The following MTRR variants were observed in gnomAD, a reference collection of about 807,000 sequenced individuals.
MTRR encodes the protein 5-methyltetrahydrofolate-homocysteine methyltransferase reductase.
In MTRR, 63 loss-of-function variants were observed where a neutral mutation model predicts 79.2. That is an observed-to-expected ratio of 0.80 (90% CI 0.65 to 0.98). The LOEUF (loss-of-function observed/expected upper bound fraction) is 0.98. Ranked by LOEUF, MTRR falls within the 50% of genes least tolerant of loss-of-function variation. MTRR has a pLI of 0.00. For synonymous variants in MTRR, 355 were observed against 313.3 expected (o/e 1.13, Z -1.41); for missense variants, 895 against 839.6 (o/e 1.07, Z -0.82).
In MTRR at chr5:7,869,209, G is replaced by GGCGTGGGTAAGCTGCCT; in HGVS notation, c.-30_-26+12dup. On this transcript the variant is annotated 5_prime_UTR_variant, in exon 1 of 15. Coordinates refer to ENST00000440940, the MANE Select transcript of MTRR (RefSeq NM_002454.3). Reference sequence around the variant, plus strand: ...GTGCAGGTTCGTGCCCGGCTGGCGCGGCGTGGGTAAGCTGCCTGTCGGCTA... The same window carrying GGCGTGGGTAAGCTGCCT: ...GTGCAGGTTCGTGCCCGGCTGGCGCGGCGTGGGTAAGCTGCCTGCGTGGGTAAGCTGCCTGTCGGCTA... The GGCGTGGGTAAGCTGCCT allele has an allele frequency of 1.9e-6, 3 of 1,607,540 alleles. No homozygotes were observed. Among genetic ancestry groups the GGCGTGGGTAAGCTGCCT allele is most frequent in the East Asian group, 2.2e-5 (1 of 44,858 alleles).
intron 1 of MTRR, among the ~76,000 whole-genome samples, chr5:7,857,931 C>T (rs1179569693): frequency 1.3e-5 from 2 of 152,226 alleles, no homozygotes; most frequent in Non-Finnish European, 2.9e-5. Context: ...GATGGACTTA[C>T]ATCAACAGCA....
intron 1 of MTRR, among the ~76,000 whole-genome samples, chr5:7,856,239 T>C (rs1746244133): frequency 6.6e-6 from 1 of 152,224 alleles, no homozygotes; most frequent in Non-Finnish European, 1.5e-5. Context: ...ATTGGTCAGA[T>C]TGGCCCATGT....
At chr5:7,897,624 G>GA (rs1442598271) in intron 14 of MTRR, among the ~76,000 whole-genome samples, 2 of 152,138 alleles carry the variant, frequency 1.3e-5, no homozygotes, top group African/African-American at 4.8e-5. Flanking sequence ...AAGTAAGAAA[G>GA]AAAAAGTATG....
In MTRR at chr5:7,885,556, TTGTG is replaced by T. The variant is rs970905469; in HGVS notation, c.904-141_904-138del. ...TAGTTGGGCTTATTTTTTAAAACAATTGTGTGTTTTTTTTTTTGAAATTCTATTT... is the reference window on the plus strand; with the variant it reads ...TAGTTGGGCTTATTTTTTAAAACAATTGTTTTTTTTTTTGAAATTCTATTT... On this transcript the variant is annotated intron_variant, in intron 6 of 14. Transcript: ENST00000440940. 2.2e-5 allele frequency: 18 copies of T among 828,796 alleles called. No individual in the cohort carries two copies. In the South Asian group the frequency reaches 3.2e-4, roughly 15 times the overall value. 51.3% of individuals were successfully genotyped at this position (828,796 alleles called of 1,614,324 possible). A position where few individuals can be genotyped will look rare whatever the true frequency, so the allele number is the denominator to read the frequency against.
At chr5:7,851,219 C>A in exon 1 of MTRR, 2 of 513,196 alleles carry the variant, frequency 3.9e-6, no homozygotes, top group Non-Finnish European at 6.0e-6. Flanking sequence ...CGACCCTCCC[C>A]TCCTCCCTCC....
Position 7,892,710 on chromosome 5 carries a change from T to G in MTRR, c.1371-17T>G, listed in dbSNP as rs927595637. 1.2e-6 allele frequency: 2 copies of G among 1,614,060 alleles called. No individual in the cohort carries two copies. The highest frequency in any genetic ancestry group is 1.7e-6 in the Non-Finnish European group (2 of 1,179,890). ...GTACTGATATCGAGTTCAAAACTTG[T>G]CTGTGTATCTTTGCAGCTCAAGTTT... On this transcript the variant is annotated splice_polypyrimidine_tract_variant and intron_variant, in intron 10 of 14. Transcript: ENST00000440940.
At chr5:7,858,065 C>T (rs2126582227) in intron 1 of MTRR, among the ~76,000 whole-genome samples, 1 of 152,212 alleles carries the variant, frequency 6.6e-6, no homozygotes, top group South Asian at 2.1e-4. Flanking sequence ...TGCTTTTAAC[C>T]TCACACCACA....
At chr5:7,858,306 A>C (rs1477204322) in intron 1 of MTRR, among the ~76,000 whole-genome samples, 1 of 152,190 alleles carries the variant, frequency 6.6e-6, no homozygotes, top group African/African-American at 2.4e-5. Context: ...AAGTCATCTA[A>C]GAGCTGTGAA....
At chr5:7,896,449 C>T in intron 12 of MTRR, 1 of 220,802 alleles carries the variant, frequency 4.5e-6, no homozygotes, top group Non-Finnish European at 9.0e-6. Flanking sequence ...AAAGCATAAT[C>T]ACAGATGTCT....
intron 4 of MTRR, among the ~76,000 whole-genome samples, chr5:7,875,632 C>T (rs1007785678): frequency 1.3e-5 from 2 of 152,196 alleles, no homozygotes; most frequent in Non-Finnish European, 2.9e-5. Flanking sequence ...GTACAGTTAT[C>T]TTTATTTTAA....
Position 7,873,471 on chromosome 5 carries a change from A to G in MTRR, c.228A>G (p.Ile76Met). 1 of 1,614,166 alleles carries G rather than the reference A, an allele frequency of 6.2e-7. No individual in the cohort carries two copies. The highest frequency in any genetic ancestry group is 8.5e-7 in the Non-Finnish European group (1 of 1,180,024). Residue 76 changes from isoleucine to methionine, a missense_variant, in exon 3 of 15, where the codon ATA becomes ATG. Coordinates refer to ENST00000440940, the MANE Select transcript of MTRR (RefSeq NM_002454.3). Reference protein sequence around the residue: ...PDTARKFVKEIQNQTLPVDFF... With the variant: ...PDTARKFVKEMQNQTLPVDFF... ...CAGCCCGCAAGTTTGTTAAGGAAAT[A>G]CAGAACCAAACACTGCCGGTTGATT...
rs762694475 is a variant in MTRR at position 7,891,401 on chromosome 5, T to C, written c.1357T>C (p.Tyr453His). Reference sequence around the variant, plus strand: ...TCTTCCTAAACTTCAACCCAGACCATATTCGTGTGCAAGGTACTACTATTT... The same window carrying C: ...TCTTCCTAAACTTCAACCCAGACCACATTCGTGTGCAAGGTACTACTATTT... ...EHLPKLQPRP[Y>H]SCASSSLFHP... The change falls in exon 10 of 15, where the codon TAT becomes CAT. Residue 453 changes from tyrosine (Y) to histidine (H), a missense_variant. Coordinates refer to ENST00000440940, the MANE Select transcript of MTRR (RefSeq NM_002454.3). 1.2e-6 allele frequency: 2 copies of C among 1,606,530 alleles called. No homozygotes were observed. The highest frequency in any genetic ancestry group is 1.7e-6 in the Non-Finnish European group (2 of 1,175,298).
At chr5:7,871,461 C>A (rs1747986546) in intron 2 of MTRR, among the ~76,000 whole-genome samples, 1 of 152,340 alleles carries the variant, frequency 6.6e-6, no homozygotes, top group Non-Finnish European at 1.5e-5. Context: ...AGGGTATATG[C>A]AACTTTACCA....
intron 1 of MTRR, chr5:7,869,480 C>T: frequency 2.0e-6 from 1 of 509,512 alleles, no homozygotes; most frequent in Non-Finnish European, 3.6e-6. Flanking sequence ...GGTCTCTCCT[C>T]ATGTTCTGCC....
intron 5 of MTRR, among the ~76,000 whole-genome samples, chr5:7,881,128 A>G (rs1410952476): frequency 6.6e-6 from 1 of 151,798 alleles, no homozygotes; most frequent in Non-Finnish European, 1.5e-5. Context: ...ATTTCTTTTC[A>G]TTGTAAGGAT....
chr5:7,856,552 C>A (rs1173911074), intron 1 of MTRR, among the ~76,000 whole-genome samples: 1 of 152,104 alleles, frequency 6.6e-6, no homozygotes, highest in Non-Finnish European at 1.5e-5. Context: ...TGAGTATTTA[C>A]TATTTTCCAG....
At chr5:7,855,509 T>A (rs1579516093) in intron 1 of MTRR, among the ~76,000 whole-genome samples, 1 of 151,690 alleles carries the variant, frequency 6.6e-6, no homozygotes, top group East Asian at 1.9e-4. Flanking sequence ...ACTTGCAAAC[T>A]TATACTTTTT....
Position 7,885,849 on chromosome 5 carries a change from AG to A in MTRR, c.1053del (p.Gly353GlufsTer189). The A allele has an allele frequency of 2.5e-6, 4 of 1,614,108 alleles. No individual in the cohort carries two copies. The highest frequency in any genetic ancestry group is 3.4e-6 in the Non-Finnish European group (4 of 1,180,006). On this transcript the variant is annotated frameshift_variant, in exon 7 of 15. Transcript: ENST00000440940. LOFTEE classifies it high-confidence loss of function. ...TTGAAAATAAAGGCAGACACAAAGA[AG>A]AAAGGTAACAGCCCTGATGCTGTGA... ...VLLKIKADTK[K>X]KGATLPQHIP...
At chr5:7,876,757 A>G (rs1734622099) in intron 4 of MTRR, among the ~76,000 whole-genome samples, 1 of 152,208 alleles carries the variant, frequency 6.6e-6, no homozygotes, top group Admixed American at 6.5e-5. Context: ...TGTGCAATAG[A>G]TAACAGTAAT....
Sources: allele counts gnomAD v4.1 joint callset (sites outside exome capture counted in the v4.1 genomes callset), GRCh38; gene constraint gnomAD v4.1.1; transcripts MANE v1.5; gene names NCBI Gene and HGNC (gene_info 2026-07-23, HGNC 2026-07-21).